COLEC12: variants seen among roughly 807,000 people sequenced by gnomAD.
The protein encoded by COLEC12 is collectin subfamily member 12, also known as collectin-12.
COLEC12 carries 33 observed loss-of-function variants against 71.1 expected under a neutral mutation model. The ratio of observed to expected loss-of-function variants is 0.46; its 90% CI spans 0.35 to 0.62. The LOEUF is 0.62. Ranked by LOEUF, COLEC12 falls within the 20% of genes least tolerant of loss-of-function variation. COLEC12 has a pLI of 0.00. For missense variants in COLEC12, 765 were observed against 916.1 expected (o/e 0.84, Z 2.13); for synonymous variants, 350 against 353.0 (o/e 0.99, Z 0.10).
chr18:429,817 T>C (rs1383374711), intron 2 of COLEC12, among the ~76,000 whole-genome samples: 1 of 152,176 alleles, frequency 6.6e-6, no homozygotes, highest in Non-Finnish European at 1.5e-5. Flanking sequence ...AGCCCTATGA[T>C]CGTAAAGATT....
chr18:413,658 T>A (rs987044693), intron 2 of COLEC12, among the ~76,000 whole-genome samples: 29 of 152,222 alleles, frequency 1.9e-4, no homozygotes, highest in African/African-American at 6.5e-4. Flanking sequence ...ACCCCATCTC[T>A]ATAAAAAATT....
chr18:482,631 G>A (rs938940789), intron 1 of COLEC12, among the ~76,000 whole-genome samples: 3 of 151,790 alleles, frequency 2.0e-5, no homozygotes, highest in African/African-American at 7.3e-5. Context: ...TGTTTTTTGA[G>A]ATAGAATTTT....
intron 2 of COLEC12, among the ~76,000 whole-genome samples, chr18:444,050 C>T (rs1161272339): frequency 2.6e-5 from 4 of 152,276 alleles, no homozygotes; most frequent in African/African-American, 7.2e-5. Context: ...GCCGGTACAA[C>T]CATGAGCCAA....
At position 408,230 on chromosome 18, in the gene COLEC12, T is replaced by C. The variant is rs1215423360; in HGVS notation, c.59-50708A>G. On this transcript the variant is annotated intron_variant, in intron 2 of 9. Transcript: ENST00000400256. The surrounding 1 kb of genome is among the most constrained non-coding windows in gnomAD (Gnocchi z 4.3). ...TTAACCCTAAACTCCAGGTTCCTAATTGGGAAACTAGGTACAATGATACCT... is the reference window on the plus strand; with the variant it reads ...TTAACCCTAAACTCCAGGTTCCTAACTGGGAAACTAGGTACAATGATACCT... 1.3e-5 allele frequency among the ~76,000 whole-genome samples: 2 copies of C among 152,204 alleles called. No individual in the cohort carries two copies. The highest frequency in any genetic ancestry group is 4.8e-5 in the African/African-American group (2 of 41,452).
intron 2 of COLEC12, among the ~76,000 whole-genome samples, chr18:363,687 T>C (rs1019080929): frequency 6.6e-6 from 1 of 152,258 alleles, no homozygotes; most frequent in African/African-American, 2.4e-5. Flanking sequence ...CCCGGTTAGT[T>C]GCTTGAATGT....
At chr18:486,966 G>A (rs1598380748) in intron 1 of COLEC12, among the ~76,000 whole-genome samples, 1 of 152,082 alleles carries the variant, frequency 6.6e-6, no homozygotes, top group Non-Finnish European at 1.5e-5. Flanking sequence ...TCTGCTCCTA[G>A]GTTTATACCT....
intron 2 of COLEC12, among the ~76,000 whole-genome samples, chr18:445,989 T>G (rs1916641392): frequency 6.6e-6 from 1 of 152,172 alleles, no homozygotes; most frequent in African/African-American, 2.4e-5. Context: ...ATAAATGGAA[T>G]CATAATATGT....
chr18:347,992 A>G, intron 4 of COLEC12, 73 bp downstream of exon 4: 1 of 992,996 alleles, frequency 1.0e-6, no homozygotes, highest in Non-Finnish European at 1.6e-6. Flanking sequence ...GTTTATAGCA[A>G]CATCATTCTA....
chr18:458,509 T>C (rs1219005102), intron 2 of COLEC12, among the ~76,000 whole-genome samples: 1 of 152,226 alleles, frequency 6.6e-6, no homozygotes, highest in Non-Finnish European at 1.5e-5. Context: ...GCCACAGGCA[T>C]TGGCAAACTG....
At chr18:484,439 A>G (rs1273732240) in intron 1 of COLEC12, among the ~76,000 whole-genome samples, 1 of 152,212 alleles carries the variant, frequency 6.6e-6, no homozygotes, top group African/African-American at 2.4e-5. Flanking sequence ...CCACTAAAAG[A>G]ATAAAATAGT....
chr18:318,548 A>C lies in COLEC12; in HGVS notation c.*1497T>G, dbSNP rs913545509. 2 of 130,026 alleles carry C rather than the reference A, an allele frequency of 1.5e-5. No individual in the cohort carries two copies. The highest frequency in any genetic ancestry group is 3.0e-5 in the African/African-American group (1 of 33,172). The allele number at this position is 130,026 out of a possible 1,614,324, so 8.1% of individuals were successfully genotyped here. A position where few individuals can be genotyped will look rare whatever the true frequency, so the allele number is the denominator to read the frequency against. Reference sequence around the variant, plus strand: ...TGCTCTGTCACCGAGGCTGGAGTGCAGTGGTGCGATCTTGGCTCACTGCAA... The same window carrying C: ...TGCTCTGTCACCGAGGCTGGAGTGCCGTGGTGCGATCTTGGCTCACTGCAA... On this transcript the variant is annotated 3_prime_UTR_variant, in exon 10 of 10. Transcript: ENST00000400256.
chr18:489,342 A>G (rs1917578261), intron 1 of COLEC12, among the ~76,000 whole-genome samples: 1 of 152,194 alleles, frequency 6.6e-6, no homozygotes, highest in Non-Finnish European at 1.5e-5. Context: ...CCAAAAATGT[A>G]CATCCCACAC....
intron 2 of COLEC12, among the ~76,000 whole-genome samples, chr18:424,768 A>G (rs1335859654): frequency 6.6e-6 from 1 of 152,182 alleles, no homozygotes; most frequent in African/African-American, 2.4e-5. Flanking sequence ...AGTATGTTGG[A>G]CCTACTCTGT....
At chr18:470,466 C>G (rs1444173764) in intron 2 of COLEC12, among the ~76,000 whole-genome samples, 2 of 151,830 alleles carry the variant, frequency 1.3e-5, no homozygotes, top group African/African-American at 4.8e-5. Context: ...AACTCCTGAC[C>G]TCAAGTGATG....
intron 7 of COLEC12, 28 bp from the exon 8 acceptor site, chr18:331,805 G>A (rs1183289679): frequency 7.1e-7 from 1 of 1,414,050 alleles, no homozygotes; most frequent in Admixed American, 1.7e-5. Context: ...GGTGGTGCGT[G>A]ACTATTTTTC....
intron 2 of COLEC12, among the ~76,000 whole-genome samples, chr18:406,249 C>G (rs1223724732): frequency 1.3e-5 from 2 of 152,148 alleles, no homozygotes; most frequent in Non-Finnish European, 2.9e-5. Context: ...GTGGCTCACG[C>G]CTGTAATCCC....
At chr18:458,506 G>A (rs1916915064) in intron 2 of COLEC12, among the ~76,000 whole-genome samples, 1 of 152,212 alleles carries the variant, frequency 6.6e-6, no homozygotes, top group Admixed American at 6.5e-5. Flanking sequence ...CTAGCCACAG[G>A]CATTGGCAAA....
At chr18:472,678 CAAAAAAAAAAA>C (rs765169609) in intron 2 of COLEC12, among the ~76,000 whole-genome samples, 2,438 of 93,728 alleles carry the variant, frequency 0.026, 83 homozygotes, top group African/African-American at 0.091. Flanking sequence ...GGCCCTGTGA[CAAAAAAAAAAA>C]AAAAAAAAAA....
intron 3 of COLEC12, among the ~76,000 whole-genome samples, chr18:349,306 G>GC (rs1914455863): frequency 6.6e-6 from 1 of 152,234 alleles, no homozygotes; most frequent in South Asian, 2.1e-4. Flanking sequence ...TTCAGAGGGT[G>GC]CAAGTCTCAA....
Sources: allele counts gnomAD v4.1 joint callset (sites outside exome capture counted in the v4.1 genomes callset), GRCh38; gene constraint gnomAD v4.1.1; non-coding constraint Gnocchi (gnomAD v3.1); transcripts MANE v1.5; gene names NCBI Gene and HGNC (gene_info 2026-07-23, HGNC 2026-07-21).